The following CNTNAP2 variants were observed in gnomAD, a reference collection of about 807,000 sequenced individuals.
The protein encoded by CNTNAP2 is contactin associated protein 2.
Under a neutral mutation model 155.2 loss-of-function variants are expected in CNTNAP2, and 98 were observed. The ratio of observed to expected loss-of-function variants is 0.63; its 90% CI spans 0.54 to 0.75. The LOEUF (loss-of-function observed/expected upper bound fraction) is 0.75. Ranked by LOEUF, CNTNAP2 falls within the 30% of genes least tolerant of loss-of-function variation. CNTNAP2 has a pLI of 0.00. For synonymous variants in CNTNAP2, 651 were observed against 631.2 expected (o/e 1.03, Z -0.47); for missense variants, 1,727 against 1,688.1 (o/e 1.02, Z -0.40).
intron 8 of CNTNAP2, among the ~76,000 whole-genome samples, chr7:147,261,071 T>C (rs1020479869): frequency 6.6e-6 from 1 of 152,216 alleles, no homozygotes; most frequent in Non-Finnish European, 1.5e-5. Context: ...ACTGAACCAC[T>C]TGTAATAAAC....
intron 11 of CNTNAP2, among the ~76,000 whole-genome samples, chr7:147,530,959 T>C (rs1008376760): frequency 7.2e-5 from 11 of 152,078 alleles, no homozygotes; most frequent in Non-Finnish European, 1.2e-4. Flanking sequence ...AGGGGAGAAA[T>C]TGGCCGAAAC....
At chr7:147,640,679 A>C (rs1291641873) in intron 13 of CNTNAP2, among the ~76,000 whole-genome samples, 1 of 152,174 alleles carries the variant, frequency 6.6e-6, no homozygotes, top group Non-Finnish European at 1.5e-5. Flanking sequence ...GAACTGGATA[A>C]AACGACATGG....
At chr7:147,262,146 C>A (rs1361265512) in intron 8 of CNTNAP2, among the ~76,000 whole-genome samples, 1 of 152,010 alleles carries the variant, frequency 6.6e-6, no homozygotes, top group Non-Finnish European at 1.5e-5. Flanking sequence ...AAGTGTAAGA[C>A]AAAAGTTCAA....
At chr7:146,415,700 A>G (rs558990957) in intron 1 of CNTNAP2, among the ~76,000 whole-genome samples, 1 of 152,052 alleles carries the variant, frequency 6.6e-6, no homozygotes, top group Non-Finnish European at 1.5e-5. Flanking sequence ...GTTTAAAAAA[A>G]TTTAAAAAAA....
At chr7:146,656,260 G>T (rs115763625) in intron 1 of CNTNAP2, among the ~76,000 whole-genome samples, 3 of 152,108 alleles carry the variant, frequency 2.0e-5, no homozygotes, top group Admixed American at 2.0e-4. Context: ...CACTCGTTCT[G>T]CATTCCAAAC....
Position 147,996,576 on chromosome 7 carries a change from G to T in CNTNAP2, c.2383+18587G>T, listed in dbSNP as rs75638399. On this transcript the variant is annotated intron_variant, in intron 15 of 23. Transcript: ENST00000361727. ...TAGAAATAATTGTGCTAGTACAAAAGGTTGCTATGGGAATAAAATGAGACA... is the reference window on the plus strand; with the variant it reads ...TAGAAATAATTGTGCTAGTACAAAATGTTGCTATGGGAATAAAATGAGACA... 1.0e-3 allele frequency among the ~76,000 whole-genome samples: 155 copies of T among 152,208 alleles called. 1 individual carries two copies. Among genetic ancestry groups the T allele is most frequent in the African/African-American group, 3.2e-3 (131 of 41,520 alleles).
chr7:147,820,364 G>C (rs183093574), intron 13 of CNTNAP2, among the ~76,000 whole-genome samples: 2 of 151,978 alleles, frequency 1.3e-5, no homozygotes, highest in Admixed American at 1.3e-4. Context: ...TTTTTTCGTT[G>C]CTGCTTTATT....
intron 3 of CNTNAP2, among the ~76,000 whole-genome samples, chr7:146,864,809 C>T (rs1039577750): frequency 9.0e-6 from 1 of 111,670 alleles, no homozygotes; most frequent in South Asian, 2.5e-4. Flanking sequence ...GACCTTTCCT[C>T]TACCAAACAA....
chr7:146,714,837 A>AG (rs1248187224), intron 1 of CNTNAP2, among the ~76,000 whole-genome samples: 19 of 152,316 alleles, frequency 1.2e-4, no homozygotes, highest in African/African-American at 4.6e-4. Flanking sequence ...TCACTGTGAT[A>AG]TATGGTCCTG....
intron 9 of CNTNAP2, among the ~76,000 whole-genome samples, chr7:147,351,855 C>A (rs1358229398): frequency 6.6e-6 from 1 of 151,804 alleles, no homozygotes; most frequent in East Asian, 1.9e-4. Flanking sequence ...ACAAGAAGTT[C>A]TTATAAATTA....
At position 146,873,229 on chromosome 7, in the gene CNTNAP2, C is replaced by G. The variant is rs1195265805; in HGVS notation, c.402+33325C>G. Reference sequence around the variant, plus strand: ...TTACTGGAAGTAACCCTTTCTACCCCATCCCATCTCCACCCACACGTCTAC... The same window carrying G: ...TTACTGGAAGTAACCCTTTCTACCCGATCCCATCTCCACCCACACGTCTAC... On this transcript the variant is annotated intron_variant, in intron 3 of 23. Transcript: ENST00000361727. Among the ~76,000 whole-genome samples, 2 of 151,052 alleles carry G rather than the reference C, an allele frequency of 1.3e-5. 1 individual carries two copies. The highest frequency in any genetic ancestry group is 4.2e-4 in the South Asian group (2 of 4,806).
chr7:147,529,328 A>T (rs1799387318), intron 11 of CNTNAP2, among the ~76,000 whole-genome samples: 1 of 152,226 alleles, frequency 6.6e-6, no homozygotes, highest in Non-Finnish European at 1.5e-5. Flanking sequence ...ATAAAAAGAT[A>T]AAAACCAATC....
At chr7:146,288,886 C>A (rs943684210) in intron 1 of CNTNAP2, among the ~76,000 whole-genome samples, 1 of 143,270 alleles carries the variant, frequency 7.0e-6, no homozygotes, top group Admixed American at 7.2e-5. Context: ...CTCACTGCAA[C>A]CTCTGCCTCC....
At chr7:148,280,265 A>G (rs989467782) in intron 21 of CNTNAP2, among the ~76,000 whole-genome samples, 4 of 152,154 alleles carry the variant, frequency 2.6e-5, no homozygotes, top group African/African-American at 4.8e-5. Flanking sequence ...AGCCAAGATC[A>G]TGCTACTGTA....
intron 3 of CNTNAP2, among the ~76,000 whole-genome samples, chr7:147,034,178 G>A (rs763225548): frequency 6.6e-6 from 1 of 152,182 alleles, no homozygotes; most frequent in Non-Finnish European, 1.5e-5. Context: ...TCTGTAAACT[G>A]TCTTGGTGCT....
chr7:147,991,605 G>A (rs1464419560), intron 15 of CNTNAP2, among the ~76,000 whole-genome samples: 1 of 152,046 alleles, frequency 6.6e-6, no homozygotes, highest in African/African-American at 2.4e-5. Context: ...CTTTTGCTAA[G>A]TTTTTATACA....
chr7:147,350,507 A>C, intron 9 of CNTNAP2, among the ~76,000 whole-genome samples: 1 of 151,852 alleles, frequency 6.6e-6, no homozygotes, highest in South Asian at 2.1e-4. Context: ...ATAAGGCAAA[A>C]TCCTATGTAT....
intron 9 of CNTNAP2, among the ~76,000 whole-genome samples, chr7:147,322,215 G>C (rs116977623): frequency 1.3e-3 from 205 of 152,234 alleles, no homozygotes; most frequent in Non-Finnish European, 2.4e-3. Context: ...TCACCTCATT[G>C]GCTGGAACAT....
chr7:147,381,707 C>T lies in CNTNAP2; in HGVS notation c.1499-13902C>T, dbSNP rs532368748. On this transcript the variant is annotated intron_variant, in intron 9 of 23. Transcript: ENST00000361727. ...TATCCTAGTTTGTCAACATACTAGT[C>T]TGCTTCTCTAATTTCTTTTCAATTT... is the stretch of plus-strand genomic sequence containing the variant. Among the ~76,000 whole-genome samples, 15 of 152,168 alleles carry T rather than the reference C, an allele frequency of 9.9e-5. No homozygotes were observed. In the South Asian group the frequency reaches 2.7e-3, roughly 27 times the overall value.
Sources: gnomAD v4.1 joint callset for allele counts (sites outside exome capture counted in the v4.1 genomes callset) on GRCh38, gnomAD v4.1.1 for gene constraint, MANE v1.5 for transcripts, NCBI Gene and HGNC (gene_info 2026-07-23, HGNC 2026-07-21) for gene names.